The following GPALPP1 variants were observed in gnomAD, a reference collection of about 807,000 sequenced individuals.
GPALPP1 encodes GPALPP motifs containing 1, also known as GPALPP motifs-containing protein 1.
GPALPP1 carries 30 observed loss-of-function variants against 38.9 expected under a neutral mutation model. The ratio of observed to expected loss-of-function variants is 0.77; its 90% CI spans 0.58 to 1.05. The LOEUF is 1.05. GPALPP1 is among the 50% of genes least tolerant of loss of function. GPALPP1 has a pLI of 0.00. For missense variants in GPALPP1, 384 were observed against 408.8 expected (o/e 0.94, Z 0.52); for synonymous variants, 120 against 139.2 (o/e 0.86, Z 0.97).
chr13:45,010,466 A>T (rs1874390680), intron 4 of GPALPP1, among the ~76,000 whole-genome samples: 1 of 152,124 alleles, frequency 6.6e-6, no homozygotes, highest in South Asian at 2.1e-4. Context: ...ATGTGGCTCC[A>T]TAATAACAGA....
intron 1 of GPALPP1, among the ~76,000 whole-genome samples, chr13:45,000,619 TATAAG>T (rs573066671): frequency 1.3e-5 from 2 of 152,164 alleles, no homozygotes; most frequent in African/African-American, 2.4e-5. Flanking sequence ...AGCAGTCACA[TATAAG>T]AAGAGAAAGA....
chr13:44,993,917 A>G (rs1435230239), intron 1 of GPALPP1, among the ~76,000 whole-genome samples: 1 of 151,034 alleles, frequency 6.6e-6, no homozygotes, highest in Non-Finnish European at 1.5e-5. Context: ...ACCTTTTCAT[A>G]TGCTTATTGG....
intron 7 of GPALPP1, among the ~76,000 whole-genome samples, chr13:45,023,985 C>G (rs1875597379): frequency 6.6e-6 from 1 of 152,192 alleles, no homozygotes; most frequent in South Asian, 2.1e-4. Flanking sequence ...TGGATCACCT[C>G]TGTCAGAACT....
intron 4 of GPALPP1, among the ~76,000 whole-genome samples, chr13:45,009,191 A>G (rs1274559081): frequency 1.3e-5 from 2 of 152,214 alleles, no homozygotes; most frequent in African/African-American, 4.8e-5. Context: ...AGTTTAAGGA[A>G]TGATTGTGAT....
chr13:45,003,666 T>A (rs1340774814), intron 1 of GPALPP1, among the ~76,000 whole-genome samples: 1 of 152,172 alleles, frequency 6.6e-6, no homozygotes, highest in Non-Finnish European at 1.5e-5. Flanking sequence ...TGCTGAGATG[T>A]AAAGTGAGAG....
chr13:45,006,878 A>G (rs146234532), intron 3 of GPALPP1, among the ~76,000 whole-genome samples: 205 of 152,144 alleles, frequency 1.3e-3, no homozygotes, highest in African/African-American at 4.7e-3. Context: ...GTATATAGTA[A>G]ATATTTATTC....
At chr13:45,019,089 G>GTATATATATT (rs557107532) in intron 6 of GPALPP1, among the ~76,000 whole-genome samples, 1 of 110,594 alleles carries the variant, frequency 9.0e-6, no homozygotes, top group African/African-American at 3.9e-5. Context: ...ATAAATATAT[G>GTATATATATT]TATATATATT....
rs1363903204 is a variant in GPALPP1 at position 45,029,357 on chromosome 13, C to T, written c.*1354C>T. ...TAATCTTAAAAAACATACAAATTTA[C>T]CTTGTTCTGTATGTCCTTTTAAGGT... On this transcript the variant is annotated 3_prime_UTR_variant, in exon 8 of 8. Transcript: ENST00000379151. 6.6e-6 allele frequency: 1 copy of T among 152,118 alleles called. No homozygotes were observed. The allele number at this position is 152,118 out of a possible 1,614,324, so 9.4% of individuals were successfully genotyped here.
downstream of GPALPP1, chr13:45,034,653 A>G (rs766131634): frequency 2.6e-5 from 4 of 151,808 alleles, no homozygotes; most frequent in Non-Finnish European, 5.9e-5. Context: ...TGAAGCCTAT[A>G]TAGGAACATC....
intron 1 of GPALPP1, among the ~76,000 whole-genome samples, chr13:44,999,037 C>T (rs995223255): frequency 6.6e-6 from 1 of 152,136 alleles, no homozygotes; most frequent in African/African-American, 2.4e-5. Context: ...ATGTGTACAA[C>T]AAGAAGGAAG....
chr13:45,033,814 A>T (rs1421746727), downstream of GPALPP1: 1 of 152,232 alleles, frequency 6.6e-6, no homozygotes, highest in Non-Finnish European at 1.5e-5. Flanking sequence ...GTTTATTTAG[A>T]AACACAAGAC....
rs1414222976 is a variant in GPALPP1 at position 45,028,107 on chromosome 13, A to C, written c.*104A>C. 5 of 533,566 alleles carry C rather than the reference A, an allele frequency of 9.4e-6. No individual in the cohort carries two copies. The East Asian group carries it at 1.6e-4, about 17-fold the overall frequency. 33.1% of individuals were successfully genotyped at this position (533,566 alleles called of 1,614,324 possible). On this transcript the variant is annotated 3_prime_UTR_variant, in exon 8 of 8. Transcript: ENST00000379151. Reference sequence around the variant, plus strand: ...GTGCTGAAATCTATTTCCTTTTATAATAGATTAAAAATTTTATATTTTTAT... The same window carrying C: ...GTGCTGAAATCTATTTCCTTTTATACTAGATTAAAAATTTTATATTTTTAT...
chr13:44,993,634 A>T (rs1286197790), intron 1 of GPALPP1, among the ~76,000 whole-genome samples: 1 of 151,408 alleles, frequency 6.6e-6, no homozygotes, highest in African/African-American at 2.4e-5. Context: ...GTGAGCCGAG[A>T]TCGCGCCACT....
intron 6 of GPALPP1, among the ~76,000 whole-genome samples, chr13:45,018,434 A>G (rs1383466647): frequency 1.3e-5 from 2 of 152,124 alleles, no homozygotes; most frequent in Non-Finnish European, 2.9e-5. Context: ...GAAAGTAATG[A>G]AAATGTTTTA....
intron 1 of GPALPP1, among the ~76,000 whole-genome samples, chr13:44,991,200 G>GCGCT (rs1327567856): frequency 6.6e-6 from 1 of 152,132 alleles, no homozygotes; most frequent in African/African-American, 2.4e-5. Context: ...TGTGAACCCA[G>GCGCT]CGCTTTGGGA....
intron 1 of GPALPP1, among the ~76,000 whole-genome samples, chr13:44,994,093 C>T (rs1260275093): frequency 6.6e-6 from 1 of 151,382 alleles, no homozygotes; most frequent in Non-Finnish European, 1.5e-5. Context: ...TAGTGCATGC[C>T]TGTAGTCCCA....
chr13:45,020,676 A>G lies in GPALPP1; in HGVS notation c.804+248A>G, dbSNP rs952132464. On this transcript the variant is annotated intron_variant, in intron 7 of 7. Coordinates refer to ENST00000379151, the MANE Select transcript of GPALPP1 (RefSeq NM_018559.5). ...AAAAAGGAAGCCAGAAGCAAAATAT[A>G]TAGCCTTTTTTCCCCTATCTTTTAG... is the stretch of plus-strand genomic sequence containing the variant. 2.7e-5 allele frequency among the ~76,000 whole-genome samples: 4 copies of G among 150,506 alleles called. No individual in the cohort carries two copies. In the East Asian group the frequency reaches 5.8e-4, roughly 22 times the overall value.
rs201175008 is a variant in GPALPP1, at chr13:45,015,475, T to C, written c.584T>C (p.Leu195Pro). ...GTAAGAGAGTCATGGATGACTGAACTTCCTCCAGAAATGAAAGACTTTGGT... is the reference window on the plus strand; with the variant it reads ...GTAAGAGAGTCATGGATGACTGAACCTCCTCCAGAAATGAAAGACTTTGGT... ...PIVRESWMTE[L>P]PPEMKDFGLG... The change falls in exon 6 of 8, where the codon CTT becomes CCT. Residue 195 changes from leucine to proline, a missense_variant. By Grantham distance (98) the Leu-to-Pro change is moderately conservative (BLOSUM62 -3). Transcript: ENST00000379151. The C allele has an allele frequency of 6.2e-7, 1 of 1,606,772 alleles. No individual in the cohort carries two copies. Among genetic ancestry groups the C allele is most frequent in the Non-Finnish European group, 8.5e-7 (1 of 1,176,466 alleles).
At chr13:45,018,779 TC>T (rs1470124010) in intron 6 of GPALPP1, among the ~76,000 whole-genome samples, 2 of 151,598 alleles carry the variant, frequency 1.3e-5, no homozygotes, top group African/African-American at 4.8e-5. Context: ...TCTAGAATAT[TC>T]CTGTAACATT....
Sources: allele counts gnomAD v4.1 joint callset (sites outside exome capture counted in the v4.1 genomes callset), GRCh38; gene constraint gnomAD v4.1.1; transcripts MANE v1.5; gene names NCBI Gene and HGNC (gene_info 2026-07-23, HGNC 2026-07-21).